The following INTS4 variants were observed in gnomAD, a reference collection of about 807,000 sequenced individuals.
INTS4 encodes integrator complex subunit 4, also known as MSTP093.
Under a neutral mutation model 119.5 loss-of-function variants are expected in INTS4, and 70 were observed. That is an observed-to-expected ratio of 0.59 (90% CI 0.48 to 0.71). The LOEUF (loss-of-function observed/expected upper bound fraction) is 0.71, where lower values mean the gene tolerates loss of function less well. Among genes scored for constraint, INTS4 ranks in the 30% least tolerant of loss-of-function variants. INTS4 has a pLI of 0.00. For synonymous variants in INTS4, 316 were observed against 419.6 expected (o/e 0.75, Z 3.02); for missense variants, 867 against 1,173.2 (o/e 0.74, Z 3.81).
At chr11:77,974,004 A>C (rs1242507118) in intron 4 of INTS4, among the ~76,000 whole-genome samples, 1 of 152,150 alleles carries the variant, frequency 6.6e-6, no homozygotes, top group East Asian at 1.9e-4. Context: ...AAGAATTTGC[A>C]TTAATTCTTA....
intron 4 of INTS4, chr11:77,963,352 C>CAAAA (rs777966254): frequency 0.013 from 2,310 of 175,756 alleles, 67 homozygotes; most frequent in South Asian, 0.019. Context: ...GACTCCGTCT[C>CAAAA]AAAAAAAAAA....
chr11:77,961,609 C>G (rs1210715655), intron 4 of INTS4, among the ~76,000 whole-genome samples: 1 of 152,102 alleles, frequency 6.6e-6, no homozygotes, highest in Non-Finnish European at 1.5e-5. Flanking sequence ...ACCAACACTC[C>G]AGAAATATCC....
chr11:77,994,020 G>A (rs1856800080), intron 1 of INTS4, among the ~76,000 whole-genome samples: 1 of 152,074 alleles, frequency 6.6e-6, no homozygotes, highest in Admixed American at 6.6e-5. Context: ...GGAAGGTACT[G>A]CCCTCCTTCC....
intron 9 of INTS4, among the ~76,000 whole-genome samples, chr11:77,940,553 C>A (rs1482826320): frequency 6.6e-6 from 1 of 152,150 alleles, no homozygotes; most frequent in East Asian, 1.9e-4. Context: ...CATACCATCT[C>A]ACAAAATGAG....
At chr11:77,924,596 T>A in intron 12 of INTS4, 154 bp downstream of exon 12, 1 of 607,180 alleles carries the variant, frequency 1.6e-6, no homozygotes, top group Non-Finnish European at 2.9e-6. Context: ...GGAATCAGAT[T>A]CCTGAGAGTT....
intron 7 of INTS4, 41 bp downstream of exon 7, chr11:77,958,705 G>C (rs371409443): frequency 1.6e-6 from 2 of 1,214,116 alleles, no homozygotes; most frequent in Admixed American, 3.5e-5. Flanking sequence ...AGAGGAAAAC[G>C]GCTTCACAAT....
At chr11:77,915,345 AC>A (rs1953181754) in intron 15 of INTS4, 2 of 151,926 alleles carry the variant, frequency 1.3e-5, no homozygotes, top group South Asian at 4.2e-4. Flanking sequence ...GGCTGGTGAG[AC>A]CCTCCAGGGC....
At chr11:77,994,382 AT>A (rs1224198142) in intron 1 of INTS4, among the ~76,000 whole-genome samples, 3 of 152,266 alleles carry the variant, frequency 2.0e-5, no homozygotes, top group African/African-American at 7.2e-5. Flanking sequence ...TCTCCTAATA[AT>A]TTTTTTAAAA....
intron 2 of INTS4, among the ~76,000 whole-genome samples, chr11:77,982,443 T>C (rs1007642963): frequency 2.0e-5 from 3 of 152,162 alleles, no homozygotes; most frequent in African/African-American, 7.2e-5. Context: ...CAGCCCTACC[T>C]GCTTTTTTGA....
chr11:77,904,916 T>G (rs1303669476), intron 16 of INTS4, among the ~76,000 whole-genome samples: 1 of 152,160 alleles, frequency 6.6e-6, no homozygotes, highest in Non-Finnish European at 1.5e-5. Flanking sequence ...CTTAAGGAGA[T>G]GCGTATGAGT....
At chr11:77,895,347 A>C (rs969785756) in intron 18 of INTS4, among the ~76,000 whole-genome samples, 10 of 151,984 alleles carry the variant, frequency 6.6e-5, no homozygotes, top group Non-Finnish European at 1.5e-4. Context: ...GAATGATGTC[A>C]AGGTTTAGTC....
At chr11:77,884,659 A>G (rs1951922827) in intron 21 of INTS4, 1 of 226,856 alleles carries the variant, frequency 4.4e-6, no homozygotes, top group Non-Finnish European at 9.6e-6. Flanking sequence ...ACTGTGGTCA[A>G]TGTTGAAACT....
At chr11:77,936,445 T>C (rs1238325749) in intron 10 of INTS4, among the ~76,000 whole-genome samples, 1 of 152,160 alleles carries the variant, frequency 6.6e-6, no homozygotes, top group Non-Finnish European at 1.5e-5. Flanking sequence ...TGCACTTGTG[T>C]GATCATGGCT....
At position 77,959,918 on chromosome 11, in the gene INTS4, T is replaced by C. The variant is rs535457973; in HGVS notation, c.708+423A>G. The stretch of plus-strand genomic sequence containing the variant: ...ACCTTTCTTTACCACTACTACTACA[T>C]GCATGTGACTTTTTTTTTATATGAT... On this transcript the variant is annotated intron_variant, in intron 6 of 22. Coordinates refer to ENST00000534064, the MANE Select transcript of INTS4 (RefSeq NM_033547.4). Among the ~76,000 whole-genome samples, 3 of 152,290 alleles carry C rather than the reference T, an allele frequency of 2.0e-5. No individual in the cohort carries two copies. In the South Asian group the frequency reaches 6.2e-4, roughly 32 times the overall value.
chr11:77,904,774 C>T (rs1952890747), intron 16 of INTS4, among the ~76,000 whole-genome samples: 1 of 152,172 alleles, frequency 6.6e-6, no homozygotes, highest in African/African-American at 2.4e-5. Flanking sequence ...ATGTTGAAAT[C>T]CTCACATCCA....
chr11:77,903,172 C>T (rs113918677), intron 17 of INTS4, among the ~76,000 whole-genome samples: 3,599 of 152,306 alleles, frequency 0.024, 99 homozygotes, highest in African/African-American at 0.068. Context: ...GGACCCAGGT[C>T]CCCTGAGTCC....
At chr11:77,906,864 C>T (rs974710573) in intron 16 of INTS4, among the ~76,000 whole-genome samples, 4 of 152,178 alleles carry the variant, frequency 2.6e-5, no homozygotes, top group Middle Eastern at 3.2e-3. Flanking sequence ...GAGAAGGGCT[C>T]TCCTAAATTC....
At chr11:77,914,505 C>T (rs867600799) in intron 15 of INTS4, among the ~76,000 whole-genome samples, 1 of 152,190 alleles carries the variant, frequency 6.6e-6, no homozygotes, top group Non-Finnish European at 1.5e-5. Context: ...GAAGAGAAAT[C>T]GCTTCACAAG....
rs755225314 is a variant in INTS4, at chr11:77,994,592, G to T, written c.52C>A (p.Gln18Lys). The T allele has an allele frequency of 2.5e-6, 4 of 1,611,984 alleles. No homozygotes were observed. Among genetic ancestry groups the T allele is most frequent in the Non-Finnish European group, 3.4e-6 (4 of 1,178,004 alleles). Residue 18 changes from glutamine (Q) to lysine (K), a missense_variant and splice_region_variant, in exon 1 of 23, where the codon CAG (glutamine) becomes AAG (lysine). By Grantham distance (53) the Gln-to-Lys change is moderately conservative. Coordinates refer to ENST00000534064, the MANE Select transcript of INTS4 (RefSeq NM_033547.4). ...GGATCTTTCCCGCCAGAGCTTACCT[G>T]AACCACTTTCGTGAATTCCTCATAA... The part of the protein sequence containing the change: ...RVYEEFTKVV[Q>K]PQEEIATKKL...
Sources: allele counts gnomAD v4.1 joint callset (sites outside exome capture counted in the v4.1 genomes callset), GRCh38; gene constraint gnomAD v4.1.1; transcripts MANE v1.5; gene names NCBI Gene and HGNC (gene_info 2026-07-23, HGNC 2026-07-21).